SDK2: variants seen among roughly 807,000 people sequenced by gnomAD.
SDK2 encodes the protein sidekick cell adhesion molecule 2, also known as protein sidekick-2.
Under a neutral mutation model 253.9 loss-of-function variants are expected in SDK2, and 105 were observed. The ratio of observed to expected loss-of-function variants is 0.41; its 90% CI spans 0.35 to 0.49. The LOEUF is 0.49. Ranked by LOEUF, SDK2 falls within the 20% of genes least tolerant of loss-of-function variation. The probability of loss-of-function intolerance (pLI) is 0.06; values close to 1 mark genes in which losing one functional copy is unlikely to be tolerated. For missense variants in SDK2, 2,608 were observed against 3,003.0 expected (o/e 0.87, Z 3.07); for synonymous variants, 1,249 against 1,234.9 (o/e 1.01, Z -0.24).
In SDK2 at chr17:73,352,697, C is replaced by A; in HGVS notation, c.5594-60G>T. ...GAGGGGAAGCCCCAAATCCCGCTCC[C>A]AGCCCCGTTCTGACTATGCTCCCTG... is the stretch of plus-strand genomic sequence containing the variant. On this transcript the variant is annotated intron_variant, in intron 40 of 44. Transcript: ENST00000392650. This position sits in a 1 kb window ranked among gnomAD's most constrained non-coding sequence, Gnocchi z 4.1. The A allele has an allele frequency of 6.4e-7, 1 of 1,567,152 alleles. No homozygotes were observed. Among genetic ancestry groups the A allele is most frequent in the African/African-American group, 1.3e-5 (1 of 74,144 alleles).
chr17:73,436,454 G>C (rs1171336361), intron 8 of SDK2, among the ~76,000 whole-genome samples: 1 of 151,990 alleles, frequency 6.6e-6, no homozygotes, highest in Non-Finnish European at 1.5e-5. Context: ...ATGCATGCCT[G>C]TAATCCCAGC....
intron 2 of SDK2, among the ~76,000 whole-genome samples, chr17:73,506,250 A>C (rs12150586): frequency 0.59 from 90,229 of 152,074 alleles, 27,235 homozygotes; most frequent in Non-Finnish European, 0.65. Flanking sequence ...AAAACCACAG[A>C]AGGGGCTGCT....
intron 24 of SDK2, among the ~76,000 whole-genome samples, 169 bp downstream of exon 24, chr17:73,397,866 G>T (rs183017581): frequency 6.6e-6 from 1 of 152,208 alleles, no homozygotes; most frequent in East Asian, 1.9e-4. Flanking sequence ...TCTCATCGGC[G>T]GGCGGGGGGG....
At chr17:73,561,906 A>G (rs2045240631) in intron 1 of SDK2, among the ~76,000 whole-genome samples, 1 of 152,180 alleles carries the variant, frequency 6.6e-6, no homozygotes, top group Non-Finnish European at 1.5e-5. Flanking sequence ...CGGGTGGATC[A>G]CCTGAGGTCA....
chr17:73,512,498 G>A (rs1040820264), intron 1 of SDK2, among the ~76,000 whole-genome samples: 5 of 151,866 alleles, frequency 3.3e-5, no homozygotes, highest in Non-Finnish European at 5.9e-5. Context: ...AAGAATCAAC[G>A]TTATAAAGAT....
chr17:73,463,858 A>T (rs1408657868), intron 3 of SDK2, among the ~76,000 whole-genome samples: 3 of 152,142 alleles, frequency 2.0e-5, no homozygotes, highest in Non-Finnish European at 4.4e-5. Context: ...GGCTAAGAGA[A>T]TCTCTAAGGT....
intron 1 of SDK2, among the ~76,000 whole-genome samples, chr17:73,602,211 G>A (rs1302618917): frequency 6.6e-6 from 1 of 152,156 alleles, no homozygotes; most frequent in Non-Finnish European, 1.5e-5. Context: ...ACTGAGGCTG[G>A]AGTTGAGATC....
Position 73,415,781 on chromosome 17 carries a change from G to A in SDK2, c.2368+30C>T, listed in dbSNP as rs367796635. On this transcript the variant is annotated intron_variant, in intron 17 of 44. Transcript: ENST00000392650. The stretch of plus-strand genomic sequence containing the variant: ...TAGGATTACACGCATGAGCCACCGC[G>A]CCTGGTCTGAGACCACAGTCTCTAC... 42 of 1,538,134 alleles carry A rather than the reference G, an allele frequency of 2.7e-5. No homozygotes were observed. In the African/African-American group the frequency reaches 3.8e-4, roughly 14 times the overall value.
chr17:73,441,800 G>A (rs371063472), intron 5 of SDK2, among the ~76,000 whole-genome samples: 30 of 152,124 alleles, frequency 2.0e-4, no homozygotes, highest in Admixed American at 5.2e-4. Context: ...CCCTGACCAG[G>A]AACCTCATGG....
At chr17:73,479,841 C>T (rs186252677) in intron 2 of SDK2, among the ~76,000 whole-genome samples, 2 of 152,340 alleles carry the variant, frequency 1.3e-5, no homozygotes, top group Non-Finnish European at 2.9e-5. Context: ...CGGGCACCTG[C>T]CCCCATGCCC....
At chr17:73,442,386 G>A (rs2145634398) in intron 5 of SDK2, among the ~76,000 whole-genome samples, 1 of 151,622 alleles carries the variant, frequency 6.6e-6, no homozygotes, top group African/African-American at 2.4e-5. Context: ...CTGTTGCCCA[G>A]GCTGGAGTGC....
chr17:73,627,380 GA>G (rs1335237376), intron 1 of SDK2, among the ~76,000 whole-genome samples: 1 of 152,146 alleles, frequency 6.6e-6, no homozygotes, highest in Admixed American at 6.5e-5. Context: ...AATATGGGAT[GA>G]AAAGGAACAC....
At chr17:73,369,145 T>C (rs747547179) in intron 36 of SDK2, 1 of 471,030 alleles carries the variant, frequency 2.1e-6, no homozygotes, top group South Asian at 1.5e-5. Context: ...TTTCCCGCCA[T>C]GCCTGGAGGA....
chr17:73,378,252 C>T (rs2062799933), intron 36 of SDK2, among the ~76,000 whole-genome samples: 1 of 152,058 alleles, frequency 6.6e-6, no homozygotes, highest in Non-Finnish European at 1.5e-5. Flanking sequence ...GCGCATGCCA[C>T]CACACCTGGC....
At chr17:73,498,141 C>T (rs1015597269) in intron 2 of SDK2, among the ~76,000 whole-genome samples, 2 of 152,218 alleles carry the variant, frequency 1.3e-5, no homozygotes, top group Non-Finnish European at 2.9e-5. Context: ...TTATTTAGGA[C>T]CATATCACCA....
At chr17:73,621,047 C>G (rs9915029) in intron 1 of SDK2, among the ~76,000 whole-genome samples, 2,576 of 152,244 alleles carry the variant, frequency 0.017, 90 homozygotes, top group African/African-American at 0.058. Context: ...GAAAAACCTC[C>G]AAGAGGAAAC....
chr17:73,500,815 T>C, intron 2 of SDK2, among the ~76,000 whole-genome samples: 1 of 144,982 alleles, frequency 6.9e-6, no homozygotes, highest in African/African-American at 2.6e-5. Context: ...CCTCTTTCCA[T>C]CCTCCCTCAG....
At chr17:73,452,207 G>C (rs2063495186) in intron 4 of SDK2, among the ~76,000 whole-genome samples, 2 of 152,166 alleles carry the variant, frequency 1.3e-5, no homozygotes, top group Admixed American at 1.3e-4. Context: ...GCATGAGGTG[G>C]TGCTAATCTC....
intron 18 of SDK2, among the ~76,000 whole-genome samples, chr17:73,403,462 A>C (rs2063046136): frequency 7.2e-6 from 1 of 139,718 alleles, no homozygotes; most frequent in Admixed American, 7.8e-5. Context: ...CTCTCACCTC[A>C]CGCTCCTGTT....
Sources: allele counts gnomAD v4.1 joint callset (sites outside exome capture counted in the v4.1 genomes callset), GRCh38; gene constraint gnomAD v4.1.1; non-coding constraint Gnocchi (gnomAD v3.1); transcripts MANE v1.5; gene names NCBI Gene and HGNC (gene_info 2026-07-23, HGNC 2026-07-21).